BARX2: variants seen among roughly 807,000 people sequenced by gnomAD.
BARX2 encodes homeobox protein BarH-like 2.
In BARX2, 11 loss-of-function variants were observed where a neutral mutation model predicts 25.5. The observed-to-expected ratio is 0.43, with a 90% CI of 0.27 to 0.71. The LOEUF (loss-of-function observed/expected upper bound fraction) is 0.71. Ranked by LOEUF, BARX2 falls within the 30% of genes least tolerant of loss-of-function variation. The pLI, the probability that BARX2 is intolerant of heterozygous loss-of-function variation, is 0.19. For missense variants in BARX2, 360 were observed against 359.9 expected (o/e 1.00, Z 0.00); for synonymous variants, 137 against 149.5 (o/e 0.92, Z 0.61).
chr11:129,376,018 C>T lies in BARX2; in HGVS notation c.-18C>T. Reference sequence around the variant, plus strand: ...TCGCAGCCGCGCTCGGGCCGGCGGACGCTCGCGCCGGCTCACCATGCACTG... The same window carrying T: ...TCGCAGCCGCGCTCGGGCCGGCGGATGCTCGCGCCGGCTCACCATGCACTG... On this transcript the variant is annotated 5_prime_UTR_variant, in exon 1 of 4. The change creates a new upstream start codon in the 5' untranslated region. Coordinates refer to ENST00000281437, the MANE Select transcript of BARX2 (RefSeq NM_003658.5). The surrounding 1 kb of genome is among the most constrained non-coding windows in gnomAD (Gnocchi z 4.2). 3.4e-6 allele frequency: 5 copies of T among 1,454,698 alleles called. No individual in the cohort carries two copies. Among genetic ancestry groups the T allele is most frequent in the Non-Finnish European group, 4.5e-6 (5 of 1,102,142 alleles). 90.1% of individuals were successfully genotyped at this position (1,454,698 alleles called of 1,614,324 possible). A position where few individuals can be genotyped will look rare whatever the true frequency, so the allele number is the denominator to read the frequency against.
intron 1 of BARX2, among the ~76,000 whole-genome samples, chr11:129,400,130 G>T (rs1173450865): frequency 6.6e-6 from 1 of 152,228 alleles, no homozygotes; most frequent in African/African-American, 2.4e-5. Flanking sequence ...GAGAGGAGAA[G>T]TAGAAGTTTA....
At position 129,376,249 on chromosome 11, in the gene BARX2, G is replaced by A. The variant is rs752692152; in HGVS notation, c.187+27G>A. On this transcript the variant is annotated intron_variant, in intron 1 of 3. Coordinates refer to ENST00000281437, the MANE Select transcript of BARX2 (RefSeq NM_003658.5). The surrounding 1 kb of genome is among the most constrained non-coding windows in gnomAD (Gnocchi z 4.2). ...TAAGACGCTCCGCTAGGGGATAAGT[G>A]GGGTTCGGTAGCTTTCACGTCCGTG... is the stretch of plus-strand genomic sequence containing the variant. The A allele has an allele frequency of 3.2e-6, 5 of 1,575,468 alleles. No individual in the cohort carries two copies. Among genetic ancestry groups the A allele is most frequent in the South Asian group, 1.1e-5 (1 of 87,112 alleles).
At chr11:129,405,905 G>A (rs1861824566) in intron 1 of BARX2, among the ~76,000 whole-genome samples, 1 of 152,162 alleles carries the variant, frequency 6.6e-6, no homozygotes, top group Admixed American at 6.5e-5. Flanking sequence ...ACTCCAGGCA[G>A]AAGTATTTGC....
intron 1 of BARX2, among the ~76,000 whole-genome samples, chr11:129,421,207 C>A (rs1439425379): frequency 6.6e-6 from 1 of 152,106 alleles, no homozygotes; most frequent in African/African-American, 2.4e-5. Context: ...TGTGGTTACC[C>A]CTTATTATAG....
intron 1 of BARX2, among the ~76,000 whole-genome samples, chr11:129,397,167 C>T (rs1408043828): frequency 1.3e-5 from 2 of 151,948 alleles, no homozygotes; most frequent in South Asian, 2.1e-4. Context: ...GCCTGTAGTC[C>T]CAGCTCCTTG....
At chr11:129,442,753 G>C (rs1156929660) in intron 2 of BARX2, 82 bp from the exon 3 acceptor site, 2 of 1,254,346 alleles carry the variant, frequency 1.6e-6, no homozygotes, top group Non-Finnish European at 2.3e-6. Flanking sequence ...GCTGGAGCCT[G>C]TCTGGAGCCT....
intron 1 of BARX2, among the ~76,000 whole-genome samples, chr11:129,431,001 A>T (rs778949956): frequency 6.6e-6 from 1 of 152,170 alleles, no homozygotes; most frequent in Admixed American, 6.5e-5. Context: ...AGCTCGTATT[A>T]TAAGCACGCA....
chr11:129,429,906 A>G (rs1264379737), intron 1 of BARX2, among the ~76,000 whole-genome samples: 1 of 152,208 alleles, frequency 6.6e-6, no homozygotes, highest in African/African-American at 2.4e-5. Context: ...TCTTGTCTAA[A>G]TAGCCTTCAC....
intron 3 of BARX2, among the ~76,000 whole-genome samples, chr11:129,448,468 T>C (rs535177791): frequency 6.6e-6 from 1 of 152,320 alleles, no homozygotes; most frequent in African/African-American, 2.4e-5. Context: ...AAGATTTGAA[T>C]AGACAATTTC....
chr11:129,383,397 A>T (rs982603252), intron 1 of BARX2, among the ~76,000 whole-genome samples: 19 of 152,188 alleles, frequency 1.2e-4, no homozygotes, highest in Admixed American at 5.2e-4. Context: ...CGGTATAATT[A>T]TATTTGGGCT....
rs1468090185 is a variant in BARX2, at chr11:129,390,508, G to C, written c.187+14286G>C. 3.0e-4 allele frequency among the ~76,000 whole-genome samples: 45 copies of C among 152,160 alleles called. No homozygotes were observed. The highest frequency in any genetic ancestry group is 2.9e-3 in the Admixed American group (45 of 15,282). ...ATATGTTTGTGTTCCAGTAGGAGGG[G>C]AGTAGGCAGGAATGGGGTGGGAGTG... On this transcript the variant is annotated intron_variant, in intron 1 of 3. Transcript: ENST00000281437. The surrounding 1 kb of genome is among the most constrained non-coding windows in gnomAD (Gnocchi z 4.3).
At chr11:129,375,753 G>T (rs980832640), upstream of BARX2, among the ~76,000 whole-genome samples, 3 of 152,010 alleles carry the variant, frequency 2.0e-5, no homozygotes, top group African/African-American at 7.2e-5. This position sits in a 1 kb window ranked among gnomAD's most constrained non-coding sequence, Gnocchi z 4.0. Context: ...GGGCGCGGAC[G>T]CCCCTCAGCA....
chr11:129,450,005 G>A (rs1020243014), intron 3 of BARX2, among the ~76,000 whole-genome samples: 5 of 152,154 alleles, frequency 3.3e-5, no homozygotes, highest in Non-Finnish European at 7.4e-5. Context: ...TTCAGGTGCC[G>A]TTCTGGTCCT....
Position 129,397,627 on chromosome 11 carries a change from G to A in BARX2, c.187+21405G>A, listed in dbSNP as rs1016703957. Among the ~76,000 whole-genome samples the A allele has an allele frequency of 3.9e-5, 6 of 152,226 alleles. No homozygotes were observed. The East Asian group carries it at 1.2e-3, about 29-fold the overall frequency. On this transcript the variant is annotated intron_variant, in intron 1 of 3. Transcript: ENST00000281437. ...GGACCATTTACGCACCAGGCGCTATGTGAAGACTGCACAGATGATGGTGAT... is the reference window on the plus strand; with the variant it reads ...GGACCATTTACGCACCAGGCGCTATATGAAGACTGCACAGATGATGGTGAT...
At chr11:129,405,070 G>C (rs756754976) in intron 1 of BARX2, among the ~76,000 whole-genome samples, 1 of 152,180 alleles carries the variant, frequency 6.6e-6, no homozygotes, top group Non-Finnish European at 1.5e-5. Flanking sequence ...CTTGATCTGA[G>C]AGACATTTCC....
intron 1 of BARX2, among the ~76,000 whole-genome samples, chr11:129,407,836 C>T (rs1380365660): frequency 1.3e-5 from 2 of 151,924 alleles, no homozygotes; most frequent in East Asian, 3.9e-4. Flanking sequence ...GGCTCTTACC[C>T]CTCACTTGCA....
At chr11:129,410,513 G>T (rs749020933) in intron 1 of BARX2, among the ~76,000 whole-genome samples, 1 of 152,086 alleles carries the variant, frequency 6.6e-6, no homozygotes, top group Non-Finnish European at 1.5e-5. Flanking sequence ...GACTTGGGCC[G>T]TCTCTTTATC....
intron 1 of BARX2, among the ~76,000 whole-genome samples, chr11:129,398,364 C>A (rs1277858588): frequency 2.0e-5 from 3 of 152,166 alleles, no homozygotes; most frequent in Admixed American, 1.3e-4. Flanking sequence ...TTGTAATGCG[C>A]CCCTGGAGTA....
At chr11:129,416,223 C>T (rs1431281231) in intron 1 of BARX2, among the ~76,000 whole-genome samples, 1 of 152,162 alleles carries the variant, frequency 6.6e-6, no homozygotes, top group African/African-American at 2.4e-5. Flanking sequence ...GCCATTTCAC[C>T]TTGCAGTGTT....
Sources: gnomAD v4.1 joint callset for allele counts (sites outside exome capture counted in the v4.1 genomes callset) on GRCh38, gnomAD v4.1.1 for gene constraint, Gnocchi (gnomAD v3.1) non-coding constraint, MANE v1.5 for transcripts, NCBI Gene and HGNC (gene_info 2026-07-23, HGNC 2026-07-21) for gene names.